The following ACTA1 variants were observed in gnomAD, a reference collection of about 807,000 sequenced individuals.
ACTA1 encodes the protein actin alpha 1, skeletal muscle, also known as actin, alpha skeletal muscle.
A neutral mutation model predicts 35.8 loss-of-function variants in ACTA1; 25 were observed. The ratio of observed to expected loss-of-function variants is 0.70; its 90% confidence interval spans 0.51 to 0.97. ACTA1 has a LOEUF of 0.97. ACTA1 is among the 50% of genes least tolerant of loss of function. The pLI, the probability that ACTA1 is intolerant of heterozygous loss-of-function variation, is 0.00. For synonymous variants in ACTA1, 219 were observed against 217.1 expected, an observed-to-expected ratio of 1.01 and a Z score of -0.08; for missense variants, 174 against 533.0, an observed-to-expected ratio of 0.33 and a Z score of 6.63.
chr1:229,431,929 C>G lies in ACTA1; in HGVS notation c.809-27G>C. The G allele has an allele frequency of 6.2e-7, 1 of 1,601,802 alleles. No homozygotes were observed. Among genetic ancestry groups the G allele is most frequent in the East Asian group, 2.2e-5 (1 of 44,528 alleles). ...TGGGGACCGCGGCGGGGAGCGTGAG[C>G]AGAAGCTCGGGGCGCCGGGGGCCGG... On this transcript the variant is annotated intron_variant, in intron 5 of 6. Transcript: ENST00000366684. The surrounding 1 kb of genome is among the most constrained non-coding windows in gnomAD (Gnocchi z 7.1).
At position 229,431,560 on chromosome 1, in the gene ACTA1, C is replaced by T; in HGVS notation, c.1073G>A (p.Trp358Ter). 6.2e-7 allele frequency: 1 copy of T among 1,613,944 alleles called. No homozygotes were observed. The highest frequency in any genetic ancestry group is 8.5e-7 in the Non-Finnish European group (1 of 1,180,016). ...CTCGTCGTACTCCTGCTTGGTGATC[C>T]ACATCTGCTGGAAGGTGGACAGCGA... ...LASLSTFQQMWITKQEYDEAG... is the reference protein window; with the variant it reads ...LASLSTFQQM The change falls in exon 7 of 7, where the codon TGG (tryptophan) becomes TAG (stop). Residue 358 changes from tryptophan to a stop codon, truncating the protein, a stop_gained. Transcript: ENST00000366684. LOFTEE classifies it high-confidence loss of function. This position sits in a 1 kb window ranked among gnomAD's most constrained non-coding sequence, Gnocchi z 7.1.
At position 229,432,195 on chromosome 1, in the gene ACTA1, G is replaced by T; in HGVS notation, c.617-10C>A. ...ACGATCTCGCGCTCAGCTGCGGAGG[G>T]CAGAAGCAGGAGAGGAGCCCTCACT... On this transcript the variant is annotated splice_polypyrimidine_tract_variant and intron_variant, in intron 4 of 6. Coordinates refer to ENST00000366684, the MANE Select transcript of ACTA1 (RefSeq NM_001100.4). The T allele has an allele frequency of 6.2e-7, 1 of 1,613,396 alleles. No individual in the cohort carries two copies. The highest frequency in any genetic ancestry group is 8.5e-7 in the Non-Finnish European group (1 of 1,179,704).
rs1232555031 is a variant in ACTA1 at position 229,431,442 on chromosome 1, C to A, written c.*57G>T. 1.2e-6 allele frequency: 2 copies of A among 1,611,052 alleles called. No homozygotes were observed. The highest frequency in any genetic ancestry group is 1.3e-5 in the African/African-American group (1 of 74,816). ...TGCGGGGTGGCTGGAGCTCAGCCGC[C>A]CCCCCATTGAGAAGATTCGTCGTCC... On this transcript the variant is annotated 3_prime_UTR_variant, in exon 7 of 7. Coordinates refer to ENST00000366684, the MANE Select transcript of ACTA1 (RefSeq NM_001100.4). This position sits in a 1 kb window ranked among gnomAD's most constrained non-coding sequence, Gnocchi z 7.1.
Position 229,431,463 on chromosome 1 carries a change from C to G in ACTA1, c.*36G>C, listed in dbSNP as rs762047409. The G allele has an allele frequency of 5.6e-6, 9 of 1,612,256 alleles. No homozygotes were observed. Among genetic ancestry groups the G allele is most frequent in the Non-Finnish European group, 6.8e-6 (8 of 1,180,000 alleles). The stretch of plus-strand genomic sequence containing the variant: ...CCGCCCCCCCATTGAGAAGATTCGT[C>G]GTCCTGAGAAGTCGCGTGCTGGAGG... On this transcript the variant is annotated 3_prime_UTR_variant, in exon 7 of 7. Coordinates refer to ENST00000366684, the MANE Select transcript of ACTA1 (RefSeq NM_001100.4). This position sits in a 1 kb window ranked among gnomAD's most constrained non-coding sequence, Gnocchi z 7.1.
chr1:229,432,171 C>G lies in ACTA1; in HGVS notation c.631G>C (p.Val211Leu). Reference protein sequence around the residue: ...SFVTTAEREIVRDIKEKLCYV... With the variant: ...SFVTTAEREILRDIKEKLCYV... The stretch of plus-strand genomic sequence containing the variant: ...CACAGCTTCTCCTTGATGTCGCGCA[C>G]GATCTCGCGCTCAGCTGCGGAGGGC... Residue 211 changes from valine (V) to leucine (L), a missense_variant, in exon 5 of 7, where the codon GTG becomes CTG. Transcript: ENST00000366684. 1 of 1,613,592 alleles carries G rather than the reference C, an allele frequency of 6.2e-7. No homozygotes were observed. Among genetic ancestry groups the G allele is most frequent in the Non-Finnish European group, 8.5e-7 (1 of 1,179,832 alleles).
chr1:229,433,040 C>G lies in ACTA1; in HGVS notation c.76G>C (p.Asp26His). The G allele has an allele frequency of 6.2e-7, 1 of 1,613,948 alleles. No homozygotes were observed. Among genetic ancestry groups the G allele is most frequent in the Non-Finnish European group, 8.5e-7 (1 of 1,179,888 alleles). Residue 26 changes from aspartate (D) to histidine (H), a missense_variant, in exon 2 of 7, where the codon GAT becomes CAT. Asp to His is a moderately conservative substitution (Grantham distance 81). Coordinates refer to ENST00000366684, the MANE Select transcript of ACTA1 (RefSeq NM_001100.4). ...GGGAACACGGCCCTAGGGGCGTCAT[C>G]CCCGGCGAAGCCGGCTTTCACCAGG... ...SGLVKAGFAG[D>H]DAPRAVFPSI...
chr1:229,431,460 C>T lies in ACTA1; in HGVS notation c.*39G>A, dbSNP rs768760401. ...CAGCCGCCCCCCCATTGAGAAGATT[C>T]GTCGTCCTGAGAAGTCGCGTGCTGG... On this transcript the variant is annotated 3_prime_UTR_variant, in exon 7 of 7. Transcript: ENST00000366684. The surrounding 1 kb of genome is among the most constrained non-coding windows in gnomAD (Gnocchi z 7.1). The T allele has an allele frequency of 1.9e-6, 3 of 1,612,200 alleles. No homozygotes were observed. The highest frequency in any genetic ancestry group is 1.7e-5 in the Admixed American group (1 of 60,002).
chr1:229,432,523 C>T, intron 3 of ACTA1, 33 bp downstream of exon 3: 1 of 1,056,438 alleles, frequency 9.5e-7, no homozygotes, highest in Non-Finnish European at 1.3e-6. Flanking sequence ...GGGGCGGGGG[C>T]GGGAGAGGGG....
At position 229,431,369 on chromosome 1, in the gene ACTA1, G is replaced by T; in HGVS notation, c.*130C>A. On this transcript the variant is annotated 3_prime_UTR_variant, in exon 7 of 7. Transcript: ENST00000366684. The surrounding 1 kb of genome is among the most constrained non-coding windows in gnomAD (Gnocchi z 7.1). Reference sequence around the variant, plus strand: ...AATGTATGTACACGTTATAAACACTGTGTCAGTTTACGATGGCAGCAACGG... The same window carrying T: ...AATGTATGTACACGTTATAAACACTTTGTCAGTTTACGATGGCAGCAACGG... The T allele has an allele frequency of 8.2e-7, 1 of 1,226,014 alleles. No individual in the cohort carries two copies. The highest frequency in any genetic ancestry group is 2.3e-5 in the East Asian group (1 of 42,744). 75.9% of individuals were successfully genotyped at this position (1,226,014 alleles called of 1,614,324 possible). A position where few individuals can be genotyped will look rare whatever the true frequency, so the allele number is the denominator to read the frequency against.
Position 229,431,595 on chromosome 1 carries a change from G to A in ACTA1, c.1038C>T (p.Ser346=). Residue 346 remains serine, a synonymous_variant, in exon 7 of 7, where the codon TCC becomes TCT. Coordinates refer to ENST00000366684, the MANE Select transcript of ACTA1 (RefSeq NM_001100.4). This position sits in a 1 kb window ranked among gnomAD's most constrained non-coding sequence, Gnocchi z 7.1. ...GGAAGGTGGACAGCGAGGCCAGGAT[G>A]GAGCCGCCGATCCACACCGAGTATT... ...ERKYSVWIGG[S]ILASLSTFQQ... The A allele has an allele frequency of 6.2e-7, 1 of 1,613,792 alleles. No homozygotes were observed. Among genetic ancestry groups the A allele is most frequent in the Non-Finnish European group, 8.5e-7 (1 of 1,179,950 alleles).
At chr1:229,432,511 C>CGGGGGT in intron 3 of ACTA1, 45 bp downstream of exon 3, 1 of 722,824 alleles carries the variant, frequency 1.4e-6, no homozygotes, top group Non-Finnish European at 1.9e-6. Flanking sequence ...GGGGCGGGGG[C>CGGGGGT]GGGGGCGGGG....
rs1231430553 is a variant in ACTA1, at chr1:229,431,383, T to C, written c.*116A>G. 3 of 1,366,458 alleles carry C rather than the reference T, an allele frequency of 2.2e-6. No individual in the cohort carries two copies. Among genetic ancestry groups the C allele is most frequent in the Non-Finnish European group, 3.1e-6 (3 of 957,448 alleles). 84.6% of individuals were successfully genotyped at this position (1,366,458 alleles called of 1,614,324 possible). On this transcript the variant is annotated 3_prime_UTR_variant, in exon 7 of 7. Transcript: ENST00000366684. This position sits in a 1 kb window ranked among gnomAD's most constrained non-coding sequence, Gnocchi z 7.1. ...TTATAAACACTGTGTCAGTTTACGATGGCAGCAACGGAAGTTGTTACAAAG... is the reference window on the plus strand; with the variant it reads ...TTATAAACACTGTGTCAGTTTACGACGGCAGCAACGGAAGTTGTTACAAAG...
At position 229,433,125 on chromosome 1, in the gene ACTA1, T is replaced by C. The variant is rs749436444; in HGVS notation, c.-10A>G. ...CGTCTTCGTCGCACATTGTGTCTAG[T>C]TTCTGCAAGGACAGGGAGACCGCGA... On this transcript the variant is annotated splice_region_variant and 5_prime_UTR_variant, in exon 2 of 7. Coordinates refer to ENST00000366684, the MANE Select transcript of ACTA1 (RefSeq NM_001100.4). 1.9e-6 allele frequency: 3 copies of C among 1,614,064 alleles called. No individual in the cohort carries two copies. The South Asian group carries it at 3.3e-5, about 18-fold the overall frequency.
Position 229,432,064 on chromosome 1 carries a change from G to A in ACTA1, c.738C>T (p.Asp246=), listed in dbSNP as rs748592740. The part of the protein sequence containing the change: ...SSLEKSYELP[D]GQVITIGNER... ...CGTTGCCGATGGTGATGACCTGCCCGTCTGGCAGCTCGTAGCTCTTTTCCA... is the reference window on the plus strand; with the variant it reads ...CGTTGCCGATGGTGATGACCTGCCCATCTGGCAGCTCGTAGCTCTTTTCCA... Residue 246 remains aspartate, a synonymous_variant, in exon 5 of 7, where the codon GAC becomes GAT. Coordinates refer to ENST00000366684, the MANE Select transcript of ACTA1 (RefSeq NM_001100.4). 1 of 1,612,666 alleles carries A rather than the reference G, an allele frequency of 6.2e-7. No homozygotes were observed. Among genetic ancestry groups the A allele is most frequent in the South Asian group, 1.1e-5 (1 of 91,012 alleles).
rs762406327 is a variant in ACTA1, at chr1:229,431,946, G to GGGGGCCGGC, written c.808+39_809-45dup. 9.5e-5 allele frequency: 153 copies of GGGGGCCGGC among 1,605,964 alleles called. No homozygotes were observed. In the African/African-American group the frequency reaches 1.8e-3, roughly 19 times the overall value. ...AGCGTGAGCAGAAGCTCGGGGCGCC[G>GGGGGCCGGC]GGGGCCGGCGGGGCCTGGGGGCCGG... is the stretch of plus-strand genomic sequence containing the variant. On this transcript the variant is annotated intron_variant, in intron 5 of 6. Transcript: ENST00000366684. This position sits in a 1 kb window ranked among gnomAD's most constrained non-coding sequence, Gnocchi z 7.1.
rs1659964901 is a variant in ACTA1, at chr1:229,432,400, G to C, written c.486C>G (p.Thr162=). The change falls in exon 4 of 7, where the codon ACC becomes ACG. Residue 162 remains threonine (T), a synonymous_variant. Coordinates refer to ENST00000366684, the MANE Select transcript of ACTA1 (RefSeq NM_001100.4). Reference sequence around the variant, plus strand: ...AGCCCTCATAAATGGGCACGTTGTGGGTGACGCCGTCGCCGGAGTCCAGCA... The same window carrying C: ...AGCCCTCATAAATGGGCACGTTGTGCGTGACGCCGTCGCCGGAGTCCAGCA... ...GIVLDSGDGV[T]HNVPIYEGYA... is the part of the protein sequence containing the mutation. The C allele has an allele frequency of 6.2e-7, 1 of 1,612,850 alleles. No homozygotes were observed.
In ACTA1 at chr1:229,432,812, G is replaced by A. The variant is rs1659979156; in HGVS notation, c.198C>T (p.Ile66=). The stretch of plus-strand genomic sequence containing the variant: ...GCTCGATAGGGTACTTCAGGGTCAG[G>A]ATACCTCTCTTGCTCTGAGCCTCGT... ...VGDEAQSKRG[I]LTLKYPIEHG... is the part of the protein sequence containing the mutation. Residue 66 remains isoleucine (I), a synonymous_variant, in exon 3 of 7, where the codon ATC becomes ATT. Transcript: ENST00000366684. 1.2e-6 allele frequency: 2 copies of A among 1,614,216 alleles called. No individual in the cohort carries two copies. Among genetic ancestry groups the A allele is most frequent in the South Asian group, 2.2e-5 (2 of 91,084 alleles).
In ACTA1 at chr1:229,432,438, G is replaced by A. The variant is rs769482139; in HGVS notation, c.455-7C>T. 6.2e-7 allele frequency: 1 copy of A among 1,607,984 alleles called. No homozygotes were observed. The highest frequency in any genetic ancestry group is 1.3e-5 in the African/African-American group (1 of 74,714). The stretch of plus-strand genomic sequence containing the variant: ...CCGGAGTCCAGCACGATGCCTGTGC[G>A]CGCGCGGGAGAGAGTGAGTGGCTGG... On this transcript the variant is annotated splice_region_variant and splice_polypyrimidine_tract_variant and intron_variant, in intron 3 of 6. Transcript: ENST00000366684.
In ACTA1 at chr1:229,432,058, C is replaced by T. The variant is rs1331857493; in HGVS notation, c.744G>A (p.Gln248=). The T allele has an allele frequency of 3.1e-6, 5 of 1,612,380 alleles. No homozygotes were observed. In the African/African-American group the frequency reaches 4.0e-5, roughly 13 times the overall value. Residue 248 remains glutamine, a synonymous_variant, in exon 5 of 7, where the codon CAG becomes CAA. Transcript: ENST00000366684. ...LEKSYELPDG[Q]VITIGNERFR... is the part of the protein sequence containing the mutation. ...AGCGCTCGTTGCCGATGGTGATGACCTGCCCGTCTGGCAGCTCGTAGCTCT... is the reference window on the plus strand; with the variant it reads ...AGCGCTCGTTGCCGATGGTGATGACTTGCCCGTCTGGCAGCTCGTAGCTCT...
Sources: gnomAD v4.1 joint callset for allele counts on GRCh38, gnomAD v4.1.1 for gene constraint, Gnocchi (gnomAD v3.1) non-coding constraint, MANE v1.5 for transcripts, NCBI Gene and HGNC (gene_info 2026-07-23, HGNC 2026-07-21) for gene names.